KIF6: variants seen among roughly 807,000 people sequenced by gnomAD.
KIF6 encodes kinesin family member 6.
In KIF6, 106 loss-of-function variants were observed where a neutral mutation model predicts 112.7. The observed-to-expected ratio is 0.94, with a 90% confidence interval of 0.80 to 1.11. The LOEUF (loss-of-function observed/expected upper bound fraction) is 1.11, where lower values mean the gene tolerates loss of function less well. Among genes scored for constraint, KIF6 ranks in the 50% least tolerant of loss-of-function variants. The probability of loss-of-function intolerance (pLI) is 0.00; values close to 1 mark genes in which losing one functional copy is unlikely to be tolerated. For missense variants in KIF6, 929 were observed against 964.0 expected, an observed-to-expected ratio of 0.96 and a Z score of 0.48; for synonymous variants, 339 against 339.9, an observed-to-expected ratio of 1.00 and a Z score of 0.03.
At chr6:39,363,434 C>T (rs758960633) in intron 16 of KIF6, among the ~76,000 whole-genome samples, 4 of 152,072 alleles carry the variant, frequency 2.6e-5, no homozygotes, top group South Asian at 2.1e-4. Flanking sequence ...TCAGCTGCTG[C>T]GTGTGTCTGC....
At chr6:39,682,945 GA>G (rs1787624671) in intron 3 of KIF6, among the ~76,000 whole-genome samples, 1 of 152,230 alleles carries the variant, frequency 6.6e-6, no homozygotes, top group African/African-American at 2.4e-5. Context: ...GTAAAACTGA[GA>G]TCTAAGCGAT....
chr6:39,599,363 AAC>A (rs2150692315), intron 6 of KIF6, among the ~76,000 whole-genome samples: 1 of 152,348 alleles, frequency 6.6e-6, no homozygotes, highest in East Asian at 1.9e-4. Context: ...ATGGCAATTC[AAC>A]CAGAAATTCT....
chr6:39,341,796 C>T (rs993787887), intron 22 of KIF6, among the ~76,000 whole-genome samples: 1 of 152,164 alleles, frequency 6.6e-6, no homozygotes, highest in African/African-American at 2.4e-5. Flanking sequence ...GGTGCCCTGA[C>T]TCTCCTCTTT....
At chr6:39,510,872 C>CAAAAA (rs1180631310) in intron 13 of KIF6, among the ~76,000 whole-genome samples, 229 of 23,766 alleles carry the variant, frequency 9.6e-3, no homozygotes, top group Middle Eastern at 0.033. Flanking sequence ...AAATGGGAAG[C>CAAAAA]AAAAAAAAAA....
chr6:39,454,739 G>C (rs565782002), intron 13 of KIF6, among the ~76,000 whole-genome samples: 78 of 152,128 alleles, frequency 5.1e-4, no homozygotes, highest in African/African-American at 1.8e-3. Context: ...TTCCCTTTCC[G>C]AGTCAAAGAA....
intron 13 of KIF6, among the ~76,000 whole-genome samples, chr6:39,509,069 C>A (rs557544308): frequency 1.6e-4 from 24 of 152,304 alleles, no homozygotes; most frequent in African/African-American, 5.8e-4. Context: ...GTAGCCTCCG[C>A]TGATGATACC....
At chr6:39,559,884 A>T (rs774200368) in intron 10 of KIF6, among the ~76,000 whole-genome samples, 10 of 152,232 alleles carry the variant, frequency 6.6e-5, no homozygotes, top group Non-Finnish European at 1.3e-4. Flanking sequence ...TTTTTAAGGC[A>T]AAACTATTCA....
intron 3 of KIF6, among the ~76,000 whole-genome samples, chr6:39,712,215 T>G (rs1393639250): frequency 1.3e-5 from 2 of 152,138 alleles, no homozygotes; most frequent in Non-Finnish European, 2.9e-5. Flanking sequence ...CAGCTATATT[T>G]TATTTATCAG....
At chr6:39,439,273 A>T (rs1771761844) in intron 13 of KIF6, among the ~76,000 whole-genome samples, 1 of 152,124 alleles carries the variant, frequency 6.6e-6, no homozygotes, top group Non-Finnish European at 1.5e-5. Context: ...AGTCTGTCAG[A>T]CTCAGCTCCT....
chr6:39,476,045 T>G, intron 13 of KIF6, among the ~76,000 whole-genome samples: 1 of 150,074 alleles, frequency 6.7e-6, no homozygotes, highest in South Asian at 2.1e-4. Context: ...CTCGGGCCTG[T>G]GGTGGGGGTG....
chr6:39,549,870 A>C (rs1779274132), intron 10 of KIF6, among the ~76,000 whole-genome samples: 1 of 152,206 alleles, frequency 6.6e-6, no homozygotes, highest in Non-Finnish European at 1.5e-5. Flanking sequence ...CTATATATGG[A>C]TAGCTTAATG....
intron 17 of KIF6, among the ~76,000 whole-genome samples, chr6:39,360,988 G>C (rs1220159720): frequency 6.6e-6 from 1 of 152,138 alleles, no homozygotes; most frequent in Non-Finnish European, 1.5e-5. Context: ...GATAACTGAG[G>C]AGCCAGGATT....
intron 16 of KIF6, among the ~76,000 whole-genome samples, chr6:39,375,042 G>T (rs1002508018): frequency 2.0e-5 from 3 of 152,132 alleles, no homozygotes; most frequent in Non-Finnish European, 4.4e-5. Flanking sequence ...TAAACGAGAA[G>T]GAAATTCTGT....
In KIF6 at chr6:39,675,602, A is replaced by G. The variant is rs1331447560; in HGVS notation, c.252-35845T>C. Among the ~76,000 whole-genome samples the G allele has an allele frequency of 8.2e-5, 3 of 36,704 alleles. No homozygotes were observed. The Admixed American group carries it at 1.0e-3, about 13-fold the overall frequency. The allele number at this position is 36,704 out of a possible 152,430, so 24.1% of individuals were successfully genotyped here. Reference sequence around the variant, plus strand: ...CTCACAATCTAAAACAACAAAACCCACAAGAACACAATTCCACCATAAAAG... The same window carrying G: ...CTCACAATCTAAAACAACAAAACCCGCAAGAACACAATTCCACCATAAAAG... On this transcript the variant is annotated intron_variant, in intron 3 of 22. Transcript: ENST00000287152.
intron 16 of KIF6, among the ~76,000 whole-genome samples, chr6:39,375,578 C>G (rs113819128): frequency 0.04 from 6,146 of 152,230 alleles, 173 homozygotes; most frequent in Non-Finnish European, 0.059. Flanking sequence ...ACATCGATCT[C>G]CTGCCCTTGG....
chr6:39,397,689 GACAAC>G (rs1407316460), intron 15 of KIF6, among the ~76,000 whole-genome samples: 2 of 152,162 alleles, frequency 1.3e-5, no homozygotes, highest in Non-Finnish European at 2.9e-5. Context: ...AGGCAAAGCA[GACAAC>G]ATAACCAAAT....
At chr6:39,354,787 G>C (rs1216996657) in intron 19 of KIF6, among the ~76,000 whole-genome samples, 1 of 152,214 alleles carries the variant, frequency 6.6e-6, no homozygotes, top group African/African-American at 2.4e-5. Context: ...TCAACAGTCT[G>C]ATAGGTAGAA....
At chr6:39,597,185 C>T (rs920850004) in intron 6 of KIF6, among the ~76,000 whole-genome samples, 5 of 152,110 alleles carry the variant, frequency 3.3e-5, no homozygotes, top group Admixed American at 1.3e-4. Context: ...AATAAAAATG[C>T]TACAGGTTTT....
chr6:39,362,404 C>T (rs45460596), intron 17 of KIF6, 30 bp downstream of exon 17: 213,756 of 1,565,426 alleles, frequency 0.14, 15,915 homozygotes, highest in African/African-American at 0.28. Context: ...AGGCTGGGCT[C>T]GGACTGTGTG....
Sources: allele counts gnomAD v4.1 joint callset (sites outside exome capture counted in the v4.1 genomes callset), GRCh38; gene constraint gnomAD v4.1.1; transcripts MANE v1.5; gene names NCBI Gene and HGNC (gene_info 2026-07-23, HGNC 2026-07-21).